FAXDC2: variants seen among roughly 807,000 people sequenced by gnomAD.
The protein encoded by FAXDC2 is fatty acid hydroxylase domain containing 2, also known as fatty acid hydroxylase domain-containing protein 2.
FAXDC2 carries 41 observed loss-of-function variants against 40.9 expected under a neutral mutation model. The ratio of observed to expected loss-of-function variants is 1.00; its 90% CI spans 0.78 to 1.30. The LOEUF is 1.30. Ranked by LOEUF, FAXDC2 falls within the 50% of genes most tolerant of loss-of-function variation. The probability of loss-of-function intolerance (pLI) is 0.00; values close to 1 mark genes in which losing one functional copy is unlikely to be tolerated. For missense variants in FAXDC2, 390 were observed against 408.8 expected (o/e 0.95, Z 0.40); for synonymous variants, 157 against 149.3 (o/e 1.05, Z -0.38).
intron 5 of FAXDC2, among the ~76,000 whole-genome samples, chr5:154,826,527 T>TAAA (rs764669604): frequency 9.9e-6 from 1 of 101,506 alleles, no homozygotes; most frequent in Non-Finnish European, 2.1e-5. Flanking sequence ...AGACTGTCTC[T>TAAA]AAAAAAAAAA....
At chr5:154,846,087 C>T (rs1760593097) in intron 1 of FAXDC2, among the ~76,000 whole-genome samples, 1 of 151,894 alleles carries the variant, frequency 6.6e-6, no homozygotes, top group Non-Finnish European at 1.5e-5. Flanking sequence ...CAAGCGTGAG[C>T]CACCACGCCC....
At position 154,828,417 on chromosome 5, in the gene FAXDC2, G is replaced by A. The variant is rs900544800; in HGVS notation, c.366+2384C>T. ...AAGAAGATACAAGAAAGCAAAGAGAGAATTGCAGCAGCCATTTCCTGGATG... is the reference window on the plus strand; with the variant it reads ...AAGAAGATACAAGAAAGCAAAGAGAAAATTGCAGCAGCCATTTCCTGGATG... On this transcript the variant is annotated intron_variant, in intron 5 of 8. Coordinates refer to ENST00000326080, the MANE Select transcript of FAXDC2 (RefSeq NM_032385.5). Among the ~76,000 whole-genome samples, 21 of 152,070 alleles carry A rather than the reference G, an allele frequency of 1.4e-4. 2 individuals carry two copies. The highest frequency in any genetic ancestry group is 1.2e-3 in the Admixed American group (19 of 15,246).
intron 5 of FAXDC2, among the ~76,000 whole-genome samples, chr5:154,828,539 T>C (rs1229520519): frequency 1.3e-5 from 2 of 151,738 alleles, no homozygotes; most frequent in African/African-American, 2.4e-5. Context: ...GTGCAGGTAC[T>C]GGTCACTGCC....
At chr5:154,822,321 G>C (rs1207734000) in intron 7 of FAXDC2, 151 bp downstream of exon 7, 1 of 657,082 alleles carries the variant, frequency 1.5e-6, no homozygotes, top group African/African-American at 1.8e-5. Context: ...ACTTAACATA[G>C]CCTGGCATAT....
At chr5:154,835,201 G>A (rs1462239742) in intron 2 of FAXDC2, 2 of 387,176 alleles carry the variant, frequency 5.2e-6, no homozygotes, top group Non-Finnish European at 9.5e-6. Flanking sequence ...GAAACTAGCA[G>A]GCAATTCTGT....
intron 1 of FAXDC2, among the ~76,000 whole-genome samples, chr5:154,846,604 C>G (rs2113173630): frequency 6.6e-6 from 1 of 152,058 alleles, no homozygotes; most frequent in Non-Finnish European, 1.5e-5. Flanking sequence ...AGGCTGGTCT[C>G]AAACTCCTGG....
intron 1 of FAXDC2, among the ~76,000 whole-genome samples, chr5:154,848,704 C>A (rs1254772718): frequency 1.3e-5 from 2 of 152,188 alleles, no homozygotes; most frequent in African/African-American, 2.4e-5. Flanking sequence ...CGGTGGCTCG[C>A]ATCTGTAATC....
chr5:154,834,799 C>T (rs773879402), intron 3 of FAXDC2, 44 bp downstream of exon 3: 42 of 1,591,168 alleles, frequency 2.6e-5, no homozygotes, highest in East Asian at 4.5e-5. Flanking sequence ...GCTCTGCCCC[C>T]GACCACCACC....
intron 4 of FAXDC2, among the ~76,000 whole-genome samples, chr5:154,834,051 A>G (rs1007233117): frequency 2.0e-5 from 3 of 148,442 alleles, no homozygotes; most frequent in Non-Finnish European, 4.5e-5. Context: ...AATAATATAA[A>G]TAAATGTATA....
chr5:154,831,058 C>T (rs1477964805), intron 4 of FAXDC2, 136 bp from the exon 5 acceptor site: 4 of 990,480 alleles, frequency 4.0e-6, no homozygotes, highest in South Asian at 3.3e-5. Context: ...GGGCTTGGGA[C>T]CAAGGGGTTA....
At chr5:154,828,914 C>T in intron 5 of FAXDC2, among the ~76,000 whole-genome samples, 1 of 109,542 alleles carries the variant, frequency 9.1e-6, no homozygotes, top group African/African-American at 3.7e-5. Context: ...CGTAAATTTT[C>T]TTTTTTTCTT....
intron 2 of FAXDC2, among the ~76,000 whole-genome samples, chr5:154,837,195 C>T (rs552695465): frequency 8.5e-5 from 13 of 152,190 alleles, no homozygotes; most frequent in African/African-American, 2.2e-4. Context: ...CTCACTGACT[C>T]GCATTCTCTC....
At chr5:154,828,129 G>A (rs957430097) in intron 5 of FAXDC2, among the ~76,000 whole-genome samples, 3 of 151,792 alleles carry the variant, frequency 2.0e-5, no homozygotes, top group South Asian at 2.1e-4. Context: ...GATTACAGGC[G>A]TGAGCCACCA....
chr5:154,834,445 C>A (rs183589920), intron 4 of FAXDC2, among the ~76,000 whole-genome samples, 180 bp downstream of exon 4: 1 of 152,196 alleles, frequency 6.6e-6, no homozygotes, highest in East Asian at 1.9e-4. Context: ...TTTTAGACAT[C>A]CTGTTTTCAG....
chr5:154,829,972 C>T (rs1760148016), intron 5 of FAXDC2, among the ~76,000 whole-genome samples: 1 of 152,162 alleles, frequency 6.6e-6, no homozygotes, highest in African/African-American at 2.4e-5. Context: ...GGAAGGGGCC[C>T]ACTTCAAAGG....
intron 4 of FAXDC2, among the ~76,000 whole-genome samples, chr5:154,833,814 C>G (rs1386450998): frequency 6.6e-6 from 1 of 151,732 alleles, no homozygotes; most frequent in Non-Finnish European, 1.5e-5. Flanking sequence ...ATTACAGGAG[C>G]CTGCCACCAT....
At chr5:154,835,611 C>T (rs546826177) in intron 2 of FAXDC2, among the ~76,000 whole-genome samples, 3 of 152,078 alleles carry the variant, frequency 2.0e-5, no homozygotes, top group Non-Finnish European at 4.4e-5. Context: ...GACAGAGTCT[C>T]GCTCTGTCGC....
In FAXDC2 at chr5:154,820,447, C is replaced by A. The variant is rs777934700; in HGVS notation, c.871G>T (p.Gly291Cys). The A allele has an allele frequency of 1.2e-6, 2 of 1,612,802 alleles. No homozygotes were observed. The highest frequency in any genetic ancestry group is 4.5e-5 in the East Asian group (2 of 44,796). ...LKFNQCYGVLGVLDHLHGTDT... is the reference protein window; with the variant it reads ...LKFNQCYGVLCVLDHLHGTDT... ...GTCCCATGGAGGTGGTCCAGCACAC[C>A]CAGCACCCCATAGCACTGGTTGAAC... Residue 291 changes from glycine (G) to cysteine (C), a missense_variant, in exon 9 of 9, where the codon GGT becomes TGT. Coordinates refer to ENST00000326080, the MANE Select transcript of FAXDC2 (RefSeq NM_032385.5).
At chr5:154,834,976 T>TG (rs1376265387) in intron 2 of FAXDC2, 42 bp from the exon 3 acceptor site, 2 of 1,282,050 alleles carry the variant, frequency 1.6e-6, no homozygotes, top group Admixed American at 1.9e-5. Flanking sequence ...GCAAGCCTCC[T>TG]GCCTTTACAC....
Sources: allele counts gnomAD v4.1 joint callset (sites outside exome capture counted in the v4.1 genomes callset), GRCh38; gene constraint gnomAD v4.1.1; transcripts MANE v1.5; gene names NCBI Gene and HGNC (gene_info 2026-07-23, HGNC 2026-07-21).